The following R3HDM1 variants were observed in gnomAD, a reference collection of about 807,000 sequenced individuals.
The protein encoded by R3HDM1 is R3H domain-containing protein 1.
Under a neutral mutation model 141.1 loss-of-function variants are expected in R3HDM1, and 46 were observed. The observed-to-expected ratio is 0.33, with a 90% confidence interval of 0.26 to 0.42. R3HDM1 has a LOEUF of 0.42. Among genes scored for constraint, R3HDM1 ranks in the 10% least tolerant of loss-of-function variants. The pLI is 1.00. For synonymous variants in R3HDM1, 435 were observed against 472.9 expected, an observed-to-expected ratio of 0.92 and a Z score of 1.04; for missense variants, 1,184 against 1,368.3, an observed-to-expected ratio of 0.87 and a Z score of 2.12.
At chr2:135,715,491 A>C in intron 23 of R3HDM1, 59 bp from the exon 24 acceptor site, 1 of 1,546,022 alleles carries the variant, frequency 6.5e-7, no homozygotes, top group African/African-American at 1.4e-5. Context: ...AATCAGGAAG[A>C]ATAAAAAATA....
At chr2:135,718,556 C>T (rs539385820) in intron 24 of R3HDM1, among the ~76,000 whole-genome samples, 1 of 152,204 alleles carries the variant, frequency 6.6e-6, no homozygotes, top group Admixed American at 6.5e-5. Context: ...ACTTGTGGCT[C>T]GCTACAGCCT....
chr2:135,572,485 A>G (rs769568634), intron 1 of R3HDM1, among the ~76,000 whole-genome samples: 3 of 152,324 alleles, frequency 2.0e-5, no homozygotes, highest in South Asian at 2.1e-4. Context: ...CAAAACCACA[A>G]TGAGATACAA....
rs756787795 is a variant in R3HDM1 at position 135,635,923 on chromosome 2, T to G, written c.732T>G (p.Asp244Glu). Residue 244 changes from aspartate to glutamate, a missense_variant, in exon 10 of 27, where the codon GAT becomes GAG. By Grantham distance (45) the Asp-to-Glu change is conservative. Coordinates refer to ENST00000683871, the MANE Select transcript of R3HDM1 (RefSeq NM_001378107.1). ...AGAAATTTAATGAACATATTAAGGA[T>G]GATAAAGGTGAAGACTTTCAGAAAC... The part of the protein sequence containing the change: ...PDQKFNEHIK[D>E]DKGEDFQKRY... The G allele has an allele frequency of 1.9e-6, 3 of 1,608,920 alleles. No homozygotes were observed. The Admixed American group carries it at 5.1e-5, about 28-fold the overall frequency.
At chr2:135,561,329 G>A in intron 1 of R3HDM1, 3 of 984,234 alleles carry the variant, frequency 3.0e-6, no homozygotes, top group South Asian at 4.7e-5. Context: ...TTTATATTTT[G>A]TGGCAGCTTT....
At chr2:135,591,566 A>G (rs1709283681) in intron 1 of R3HDM1, among the ~76,000 whole-genome samples, 2 of 152,232 alleles carry the variant, frequency 1.3e-5, no homozygotes, top group South Asian at 2.1e-4. Context: ...TGAACTGCCA[A>G]CATTATCATG....
intron 18 of R3HDM1, among the ~76,000 whole-genome samples, chr2:135,652,851 T>C (rs1477187028): frequency 1.3e-5 from 2 of 152,222 alleles, no homozygotes; most frequent in Non-Finnish European, 2.9e-5. Flanking sequence ...TCTTTTTCTC[T>C]TTGGACTAAA....
intron 23 of R3HDM1, among the ~76,000 whole-genome samples, chr2:135,711,039 A>C (rs1334814619): frequency 6.6e-6 from 1 of 152,242 alleles, no homozygotes; most frequent in African/African-American, 2.4e-5. Context: ...GATCAGTTGT[A>C]ACATCACTAA....
chr2:135,685,021 C>T (rs980355499), intron 21 of R3HDM1, among the ~76,000 whole-genome samples: 2 of 152,132 alleles, frequency 1.3e-5, no homozygotes, highest in Non-Finnish European at 2.9e-5. Flanking sequence ...ACCTCTACCC[C>T]CAAAGTGCTA....
chr2:135,592,099 T>A (rs556284789), intron 1 of R3HDM1, among the ~76,000 whole-genome samples: 1 of 152,300 alleles, frequency 6.6e-6, no homozygotes, highest in South Asian at 2.1e-4. Flanking sequence ...AGACAGTTTA[T>A]CACATTCCTC....
chr2:135,580,516 G>A (rs1191182987), intron 1 of R3HDM1, among the ~76,000 whole-genome samples: 1 of 152,020 alleles, frequency 6.6e-6, no homozygotes, highest in Non-Finnish European at 1.5e-5. Flanking sequence ...TTCTTTGCTT[G>A]TTCTCTTAAT....
At chr2:135,674,882 C>T (rs2068915534) in intron 19 of R3HDM1, among the ~76,000 whole-genome samples, 1 of 151,690 alleles carries the variant, frequency 6.6e-6, no homozygotes, top group African/African-American at 2.4e-5. Flanking sequence ...ATGCATAGAG[C>T]CCCATGCTTG....
intron 7 of R3HDM1, among the ~76,000 whole-genome samples, chr2:135,624,422 A>G (rs1331474363): frequency 6.6e-6 from 1 of 151,146 alleles, no homozygotes; most frequent in Non-Finnish European, 1.5e-5. Flanking sequence ...GGAAAGTGAC[A>G]GTAAAGGTAC....
intron 1 of R3HDM1, among the ~76,000 whole-genome samples, chr2:135,537,174 T>TAA (rs60737602): frequency 0.037 from 4,285 of 115,202 alleles, 259 homozygotes; most frequent in African/African-American, 0.13. Context: ...CTCTGGAATT[T>TAA]AAAAAAAAAA....
chr2:135,540,997 CT>C (rs1228699686), intron 1 of R3HDM1, among the ~76,000 whole-genome samples: 1 of 151,874 alleles, frequency 6.6e-6, no homozygotes, highest in African/African-American at 2.4e-5. Context: ...TAAAAGGAGT[CT>C]TTTTTTTCTG....
intron 21 of R3HDM1, among the ~76,000 whole-genome samples, chr2:135,685,027 T>G (rs2071092556): frequency 6.6e-6 from 1 of 152,164 alleles, no homozygotes; most frequent in African/African-American, 2.4e-5. Flanking sequence ...ACCCCCAAAG[T>G]GCTAGGGTAA....
At position 135,645,516 on chromosome 2, in the gene R3HDM1, AT is replaced by A. The variant is rs1163689562; in HGVS notation, c.1616del (p.Phe539SerfsTer41). The A allele has an allele frequency of 6.2e-7, 1 of 1,613,842 alleles. No individual in the cohort carries two copies. Among genetic ancestry groups the A allele is most frequent in the Non-Finnish European group, 8.5e-7 (1 of 1,179,930 alleles). ...ACCTCAACAACCAGCAGCTAATCAC[AT>A]TTTCTCACAGGTGCACATATCCATG... ...APPQQPAANH[I>X]FSQPVHPLQS... is the part of the protein sequence containing the mutation. On this transcript the variant is annotated frameshift_variant, in exon 16 of 27. Coordinates refer to ENST00000683871, the MANE Select transcript of R3HDM1 (RefSeq NM_001378107.1). LOFTEE classifies it high-confidence loss of function.
chr2:135,534,657 GGT>G (rs1412323243), intron 1 of R3HDM1, among the ~76,000 whole-genome samples: 19 of 152,308 alleles, frequency 1.2e-4, no homozygotes, highest in African/African-American at 4.6e-4. Flanking sequence ...AACGAGGTGA[GGT>G]ATATATATGG....
chr2:135,715,698 A>T lies in R3HDM1; in HGVS notation c.2881+4A>T. 1 of 1,610,066 alleles carries T rather than the reference A, an allele frequency of 6.2e-7. No homozygotes were observed. The highest frequency in any genetic ancestry group is 8.5e-7 in the Non-Finnish European group (1 of 1,178,292). On this transcript the variant is annotated splice_donor_region_variant and intron_variant, in intron 24 of 26. Transcript: ENST00000683871. ...AGACCTTTTGTCCCCGGGCAAGGTA[A>T]GTGCACATGAAACTAGTCACAACTT...
chr2:135,651,720 C>G lies in R3HDM1; in HGVS notation c.1726-10C>G. On this transcript the variant is annotated splice_polypyrimidine_tract_variant and intron_variant, in intron 17 of 26. Coordinates refer to ENST00000683871, the MANE Select transcript of R3HDM1 (RefSeq NM_001378107.1). ...AAGGCTTACTAATTTTTGACTTCTTCCTTTTTTAGCAGGATAACCTAGGGT... is the reference window on the plus strand; with the variant it reads ...AAGGCTTACTAATTTTTGACTTCTTGCTTTTTTAGCAGGATAACCTAGGGT... 6.3e-7 allele frequency: 1 copy of G among 1,586,866 alleles called. No homozygotes were observed.
Sources: gnomAD v4.1 joint callset for allele counts (sites outside exome capture counted in the v4.1 genomes callset) on GRCh38, gnomAD v4.1.1 for gene constraint, MANE v1.5 for transcripts, NCBI Gene and HGNC (gene_info 2026-07-23, HGNC 2026-07-21) for gene names.